The following LIMK2 variants were observed in gnomAD, a reference collection of about 807,000 sequenced individuals.
LIMK2 encodes the protein LIM domain kinase 2.
A neutral mutation model predicts 75.7 loss-of-function variants in LIMK2; 35 were observed. The ratio of observed to expected loss-of-function variants is 0.46; its 90% CI spans 0.35 to 0.61. The LOEUF is 0.61. Ranked by LOEUF, LIMK2 falls within the 20% of genes least tolerant of loss-of-function variation. LIMK2 has a pLI of 0.00. For synonymous variants in LIMK2, 301 were observed against 319.2 expected (o/e 0.94, Z 0.61); for missense variants, 623 against 831.0 (o/e 0.75, Z 3.08).
chr22:31,215,536 A>G (rs1414177497), intron 1 of LIMK2, among the ~76,000 whole-genome samples: 1 of 152,190 alleles, frequency 6.6e-6, no homozygotes, highest in Non-Finnish European at 1.5e-5. Context: ...GGGTCACTCA[A>G]CTAGTGGTAG....
chr22:31,265,266 T>C (rs563414820), intron 7 of LIMK2, among the ~76,000 whole-genome samples: 1 of 148,446 alleles, frequency 6.7e-6, no homozygotes, highest in Non-Finnish European at 1.5e-5. Context: ...CTTGGGAGGC[T>C]GAGGCAGGAG....
At chr22:31,253,675 CAT>C (rs1318469864) in intron 2 of LIMK2, among the ~76,000 whole-genome samples, 1 of 152,236 alleles carries the variant, frequency 6.6e-6, no homozygotes, top group Non-Finnish European at 1.5e-5. Flanking sequence ...GCCAAGCACA[CAT>C]AGCTTCACAT....
chr22:31,271,339 C>T, intron 12 of LIMK2, 138 bp downstream of exon 12: 1 of 721,324 alleles, frequency 1.4e-6, no homozygotes, highest in Non-Finnish European at 2.5e-6. Flanking sequence ...CTTCCTGCTT[C>T]TTCCAATGCC....
In LIMK2 at chr22:31,272,585, G is replaced by A; in HGVS notation, c.1439G>A (p.Arg480Lys). ...FGLSRLIVEE[R>K]KRAPMEKATT... ...CTGTCACGGCTCATAGTGGAAGAGA[G>A]GAAAAGGGCCCCCATGGAGAAGGCC... The change falls in exon 13 of 16, where the codon AGG (arginine) becomes AAG (lysine). Residue 480 changes from arginine to lysine, a missense_variant. Coordinates refer to ENST00000331728, the MANE Select transcript of LIMK2 (RefSeq NM_005569.4). 1 of 1,614,048 alleles carries A rather than the reference G, an allele frequency of 6.2e-7. No homozygotes were observed. Among genetic ancestry groups the A allele is most frequent in the Non-Finnish European group, 8.5e-7 (1 of 1,180,000 alleles).
intron 2 of LIMK2, among the ~76,000 whole-genome samples, chr22:31,246,392 C>G (rs1367781216): frequency 6.6e-6 from 1 of 151,354 alleles, no homozygotes; most frequent in Non-Finnish European, 1.5e-5. Flanking sequence ...AGAAAAAAAT[C>G]TTTCCATAAG....
rs946099982 is a variant in LIMK2 at position 31,275,565 on chromosome 22, C to G, written c.1772+257C>G. ...GAAAGTTTAAAAGAAGGAAATTCAC[C>G]CAAACCATTTGAATACAGTAAGTGT... On this transcript the variant is annotated intron_variant, in intron 15 of 15. Coordinates refer to ENST00000331728, the MANE Select transcript of LIMK2 (RefSeq NM_005569.4). The G allele has an allele frequency of 8.4e-6, 4 of 477,274 alleles. No individual in the cohort carries two copies. In the South Asian group the frequency reaches 8.8e-5, roughly 10 times the overall value. The allele number at this position is 477,274 out of a possible 1,614,324, so 29.6% of individuals were successfully genotyped here. A position where few individuals can be genotyped will look rare whatever the true frequency, so the allele number is the denominator to read the frequency against.
chr22:31,276,946 G>A (rs1238525672), intron 15 of LIMK2: 3 of 1,613,866 alleles, frequency 1.9e-6, no homozygotes, highest in South Asian at 1.1e-5. Context: ...GCGCCTCTAC[G>A]ACTGCCAGGA....
chr22:31,248,241 C>A, intron 2 of LIMK2: 1 of 770,328 alleles, frequency 1.3e-6, no homozygotes, highest in Non-Finnish European at 1.8e-6. Context: ...AGCTCCACCC[C>A]TTGCCTGCAA....
intron 1 of LIMK2, among the ~76,000 whole-genome samples, chr22:31,217,093 C>G (rs1338484876): frequency 6.6e-6 from 1 of 152,080 alleles, no homozygotes; most frequent in East Asian, 1.9e-4. Context: ...GAAAGAAAGT[C>G]TAAAATGTAG....
intron 2 of LIMK2, among the ~76,000 whole-genome samples, chr22:31,256,541 T>C (rs2048784250): frequency 6.6e-6 from 1 of 151,854 alleles, no homozygotes; most frequent in African/African-American, 2.4e-5. Context: ...GGTTTCACCA[T>C]GTTGGCCAGG....
chr22:31,235,254 GCCCTTC>G (rs538733680), intron 2 of LIMK2, among the ~76,000 whole-genome samples: 90 of 152,202 alleles, frequency 5.9e-4, no homozygotes, highest in African/African-American at 1.9e-3. Context: ...GCTTTTCCCT[GCCCTTC>G]CCCTTCCCCT....
At chr22:31,248,739 C>T (rs749678812) in intron 2 of LIMK2, 6 of 1,614,030 alleles carry the variant, frequency 3.7e-6, no homozygotes, top group East Asian at 2.2e-5. Context: ...TTGTCAGTCC[C>T]GGCTTACTTC....
At chr22:31,217,848 A>G (rs2048400969) in intron 1 of LIMK2, among the ~76,000 whole-genome samples, 1 of 152,224 alleles carries the variant, frequency 6.6e-6, no homozygotes, top group African/African-American at 2.4e-5. Context: ...CCTTGCCTGT[A>G]GCACCTGGTT....
intron 2 of LIMK2, among the ~76,000 whole-genome samples, chr22:31,239,690 G>A (rs182471815): frequency 6.6e-6 from 1 of 152,048 alleles, no homozygotes; most frequent in Non-Finnish European, 1.5e-5. Context: ...TACACATCTA[G>A]CATCACTCTT....
chr22:31,215,002 G>T (rs2048378716), intron 1 of LIMK2, among the ~76,000 whole-genome samples: 1 of 152,128 alleles, frequency 6.6e-6, no homozygotes. Context: ...TTACCATGTT[G>T]CCCAGGCTGG....
chr22:31,241,219 C>A (rs1184368663), intron 2 of LIMK2, among the ~76,000 whole-genome samples: 1 of 152,214 alleles, frequency 6.6e-6, no homozygotes, highest in Non-Finnish European at 1.5e-5. Flanking sequence ...GTTACACTTT[C>A]AGAAATATTA....
Position 31,265,395 on chromosome 22 carries a change from G to A in LIMK2, c.855-551G>A, listed in dbSNP as rs774446709. On this transcript the variant is annotated intron_variant, in intron 7 of 15. Transcript: ENST00000331728. The stretch of plus-strand genomic sequence containing the variant: ...ATAATAATAATAACAATAACTAGCC[G>A]GGCCTGGTGGCACATGCCTGTAGTC... 7.9e-4 allele frequency among the ~76,000 whole-genome samples: 119 copies of A among 151,278 alleles called. 2 individuals carry two copies. Among genetic ancestry groups the A allele is most frequent in the Non-Finnish European group, 2.7e-4 (18 of 67,884 alleles).
intron 1 of LIMK2, among the ~76,000 whole-genome samples, chr22:31,223,774 G>A (rs2048456405): frequency 6.6e-6 from 1 of 152,176 alleles, no homozygotes. Flanking sequence ...TCTTGACAAG[G>A]AGTCTGAGGA....
At chr22:31,270,062 G>C (rs115679275) in intron 11 of LIMK2, among the ~76,000 whole-genome samples, 3 of 152,144 alleles carry the variant, frequency 2.0e-5, no homozygotes, top group Non-Finnish European at 4.4e-5. Context: ...CAACTGGTTT[G>C]GGAAGAGCTA....
Sources: gnomAD v4.1 joint callset for allele counts (sites outside exome capture counted in the v4.1 genomes callset) on GRCh38, gnomAD v4.1.1 for gene constraint, MANE v1.5 for transcripts, NCBI Gene and HGNC (gene_info 2026-07-23, HGNC 2026-07-21) for gene names.